Variants in TENT4B observed in about 807,000 individuals in gnomAD.
The protein encoded by TENT4B is PAP associated domain containing 5.
A neutral mutation model predicts 75.0 loss-of-function variants in TENT4B; 10 were observed. The observed-to-expected ratio is 0.13, with a 90% confidence interval of 0.08 to 0.23. The LOEUF (loss-of-function observed/expected upper bound fraction) is 0.23. Ranked by LOEUF, TENT4B falls within the 10% of genes least tolerant of loss-of-function variation. The pLI is 1.00. For synonymous variants in TENT4B, 350 were observed against 357.7 expected (o/e 0.98, Z 0.24); for missense variants, 579 against 893.8 (o/e 0.65, Z 4.49).
intron 1 of TENT4B, among the ~76,000 whole-genome samples, chr16:50,178,366 G>A (rs2038349349): frequency 6.6e-6 from 1 of 151,570 alleles, no homozygotes; most frequent in Non-Finnish European, 1.5e-5. Context: ...GATTGCTTGA[G>A]CCCTGGAGGT....
chr16:50,185,093 T>G (rs550840630), intron 1 of TENT4B, among the ~76,000 whole-genome samples: 1 of 152,290 alleles, frequency 6.6e-6, no homozygotes, highest in African/African-American at 2.4e-5. Context: ...TTGGGTAGTC[T>G]TGGTATGACT....
Position 50,233,494 on chromosome 16 carries a change from C to T in TENT4B, c.*4166C>T. 4.1e-6 allele frequency: 4 copies of T among 984,842 alleles called. No homozygotes were observed. Among genetic ancestry groups the T allele is most frequent in the South Asian group, 4.7e-5 (1 of 21,262 alleles). The allele number at this position is 984,842 out of a possible 1,614,324, so 61.0% of individuals were successfully genotyped here. On this transcript the variant is annotated 3_prime_UTR_variant, in exon 12 of 12. Transcript: ENST00000561678. Reference sequence around the variant, plus strand: ...AGCCATCTTGACTTCACACCCTTAGCGACTTTTCTTTTTTTTTTGGTCAAA... The same window carrying T: ...AGCCATCTTGACTTCACACCCTTAGTGACTTTTCTTTTTTTTTTGGTCAAA...
In TENT4B at chr16:50,234,204, A is replaced by G. The variant is rs1489502805; in HGVS notation, c.*4876A>G. The G allele has an allele frequency of 1.1e-5, 11 of 985,512 alleles. No individual in the cohort carries two copies. The South Asian group carries it at 4.2e-4, about 38-fold the overall frequency. 61.0% of individuals were successfully genotyped at this position (985,512 alleles called of 1,614,324 possible). On this transcript the variant is annotated 3_prime_UTR_variant, in exon 12 of 12. Coordinates refer to ENST00000561678, the MANE Select transcript of TENT4B (RefSeq NM_001365324.3). The stretch of plus-strand genomic sequence containing the variant: ...CATGGTGGCTCACGCCTGTAATCCC[A>G]GCACTTTGGGAGGCCGAAGCGGGAG...
intron 1 of TENT4B, among the ~76,000 whole-genome samples, chr16:50,185,108 A>G (rs2038500798): frequency 6.6e-6 from 1 of 152,188 alleles, no homozygotes; most frequent in African/African-American, 2.4e-5. Flanking sequence ...ATGACTAGCA[A>G]AGAAGCAAGC....
chr16:50,184,838 T>G (rs1018244657), intron 1 of TENT4B, among the ~76,000 whole-genome samples: 1 of 152,160 alleles, frequency 6.6e-6, no homozygotes, highest in African/African-American at 2.4e-5. Context: ...GTGATTCTTG[T>G]GCCTCAGGCT....
chr16:50,214,014 A>G (rs1030448186), intron 2 of TENT4B, among the ~76,000 whole-genome samples: 3 of 152,220 alleles, frequency 2.0e-5, no homozygotes, highest in Non-Finnish European at 4.4e-5. Flanking sequence ...ATATTGAACC[A>G]GATAAGTTTA....
chr16:50,175,573 C>G lies in TENT4B; in HGVS notation c.638+21314C>G, dbSNP rs568098939. On this transcript the variant is annotated intron_variant, in intron 1 of 11. Coordinates refer to ENST00000561678, the MANE Select transcript of TENT4B (RefSeq NM_001365324.3). ...GATCTCGGCTCACTGCAACCTCTGA[C>G]TCCCTGGTTCAAGGGATTCTCCTGC... 3.1e-3 allele frequency among the ~76,000 whole-genome samples: 466 copies of G among 152,200 alleles called. 2 individuals carry two copies. Among genetic ancestry groups the G allele is most frequent in the Middle Eastern group, 3.4e-3 (1 of 294 alleles).
At chr16:50,161,360 C>T (rs1374434693) in intron 1 of TENT4B, among the ~76,000 whole-genome samples, 2 of 152,164 alleles carry the variant, frequency 1.3e-5, no homozygotes, top group African/African-American at 4.8e-5. Context: ...ATGTTGTGTA[C>T]TGGTTCCCTA....
chr16:50,153,274 C>CGCTGCCGCCGCT (rs1555506525), upstream of TENT4B, among the ~76,000 whole-genome samples: 275 of 135,804 alleles, frequency 2.0e-3, no homozygotes, highest in African/African-American at 7.3e-3. Flanking sequence ...AGGCGCGTCT[C>CGCTGCCGCCGCT]GCTGCCGCCG....
At chr16:50,222,759 A>G (rs2031885850) in intron 6 of TENT4B, among the ~76,000 whole-genome samples, 1 of 152,214 alleles carries the variant, frequency 6.6e-6, no homozygotes, top group African/African-American at 2.4e-5. Context: ...AATGTCTTCT[A>G]AGCAGCTAAA....
intron 1 of TENT4B, among the ~76,000 whole-genome samples, chr16:50,180,727 C>T (rs766246950): frequency 7.1e-6 from 1 of 141,176 alleles, no homozygotes; most frequent in Non-Finnish European, 1.6e-5. Context: ...AAAAAAAAAT[C>T]GTATGCAGTA....
chr16:50,208,815 C>T (rs910177268), intron 1 of TENT4B, among the ~76,000 whole-genome samples: 1 of 152,138 alleles, frequency 6.6e-6, no homozygotes, highest in African/African-American at 2.4e-5. Flanking sequence ...TCACTGCAGC[C>T]TCCACCTCCC....
chr16:50,170,107 A>G lies in TENT4B; in HGVS notation c.638+15848A>G, dbSNP rs192981381. ...CACACTGTCTCCCAGGCTGGAGTGC[A>G]GTGGTGCAATCTCCGCTCACTGCAA... On this transcript the variant is annotated intron_variant, in intron 1 of 11. Transcript: ENST00000561678. Among the ~76,000 whole-genome samples the G allele has an allele frequency of 5.9e-5, 9 of 151,722 alleles. No homozygotes were observed. In the East Asian group the frequency reaches 1.7e-3, roughly 29 times the overall value.
intron 1 of TENT4B, among the ~76,000 whole-genome samples, chr16:50,197,350 G>A (rs1039097705): frequency 6.6e-6 from 1 of 152,154 alleles, no homozygotes; most frequent in Non-Finnish European, 1.5e-5. Flanking sequence ...GTGCAGTGGT[G>A]CAAGCACAGC....
chr16:50,212,933 A>T (rs1303801275), intron 2 of TENT4B, among the ~76,000 whole-genome samples: 1 of 152,052 alleles, frequency 6.6e-6, no homozygotes, highest in Admixed American at 6.6e-5. Flanking sequence ...GAGGTTGATT[A>T]TCTATCTATC....
intron 1 of TENT4B, among the ~76,000 whole-genome samples, chr16:50,191,390 A>C (rs1430068545): frequency 6.6e-6 from 1 of 152,144 alleles, no homozygotes; most frequent in Non-Finnish European, 1.5e-5. Context: ...TTTTGATAGA[A>C]TAGCCATCCT....
chr16:50,153,817 A>ACCGGCAGCC lies in TENT4B; in HGVS notation c.202_210dup (p.Ser68_Gly70dup), dbSNP rs1202074855. The ACCGGCAGCC allele has an allele frequency of 1.6e-6, 2 of 1,228,212 alleles. No individual in the cohort carries two copies. Among genetic ancestry groups the ACCGGCAGCC allele is most frequent in the Admixed American group, 8.8e-5 (2 of 22,700 alleles). The allele number at this position is 1,228,212 out of a possible 1,614,324, so 76.1% of individuals were successfully genotyped here. On this transcript the variant is annotated inframe_insertion, in exon 1 of 12. Coordinates refer to ENST00000561678, the MANE Select transcript of TENT4B (RefSeq NM_001365324.3). The stretch of plus-strand genomic sequence containing the variant: ...GGCCACCGGCGGGAGCGGCAGCAGC[A>ACCGGCAGCC]CCGGCAGCCCCGGCGGCGCGGCCTC...
chr16:50,223,411 G>A, intron 7 of TENT4B, 24 bp downstream of exon 7: 1 of 1,544,326 alleles, frequency 6.5e-7, no homozygotes, highest in Non-Finnish European at 8.8e-7. Flanking sequence ...GTAAATTTGT[G>A]GGCATTCAAA....
In TENT4B at chr16:50,233,312, C is replaced by G; in HGVS notation, c.*3984C>G. 1.0e-6 allele frequency: 1 copy of G among 985,302 alleles called. No homozygotes were observed. Among genetic ancestry groups the G allele is most frequent in the Non-Finnish European group, 1.2e-6 (1 of 829,892 alleles). The allele number at this position is 985,302 out of a possible 1,614,324, so 61.0% of individuals were successfully genotyped here. A position where few individuals can be genotyped will look rare whatever the true frequency, so the allele number is the denominator to read the frequency against. On this transcript the variant is annotated 3_prime_UTR_variant, in exon 12 of 12. Coordinates refer to ENST00000561678, the MANE Select transcript of TENT4B (RefSeq NM_001365324.3). ...AGACTCTAGCTACCTGCCATCTTGTCAAAACATTTGTGGGTAGAATAAGTG... is the reference window on the plus strand; with the variant it reads ...AGACTCTAGCTACCTGCCATCTTGTGAAAACATTTGTGGGTAGAATAAGTG...
Sources: gnomAD v4.1 joint callset for allele counts (sites outside exome capture counted in the v4.1 genomes callset) on GRCh38, gnomAD v4.1.1 for gene constraint, MANE v1.5 for transcripts, NCBI Gene and HGNC (gene_info 2026-07-23, HGNC 2026-07-21) for gene names.